Variants in RBFOX1 observed in about 807,000 individuals in gnomAD.
RBFOX1 encodes RNA binding fox-1 homolog 1.
In RBFOX1, 8 loss-of-function variants were observed where a neutral mutation model predicts 57.7. The ratio of observed to expected loss-of-function variants is 0.14; its 90% CI spans 0.08 to 0.25. The LOEUF (loss-of-function observed/expected upper bound fraction) is 0.25, where lower values mean the gene tolerates loss of function less well. Among genes scored for constraint, RBFOX1 ranks in the 10% least tolerant of loss-of-function variants. The probability of loss-of-function intolerance (pLI) is 1.00; values close to 1 mark genes in which losing one functional copy is unlikely to be tolerated. For missense variants in RBFOX1, 611 were observed against 548.5 expected, an observed-to-expected ratio of 1.11 and a Z score of -1.14; for synonymous variants, 326 against 222.4, an observed-to-expected ratio of 1.47 and a Z score of -4.15.
chr16:6,071,441 G>C (rs1409580907), intron 1 of RBFOX1, among the ~76,000 whole-genome samples: 2 of 152,086 alleles, frequency 1.3e-5, no homozygotes, highest in Non-Finnish European at 2.9e-5. Context: ...TCGAATACTT[G>C]GGTGACAAGA....
chr16:5,588,411 C>G (rs1035212215), intron 2 of RBFOX1, among the ~76,000 whole-genome samples: 1 of 152,010 alleles, frequency 6.6e-6, no homozygotes, highest in Non-Finnish European at 1.5e-5. Context: ...AGGCCGAGTC[C>G]CCTTCCTGGT....
At chr16:7,085,657 A>G (rs1459155482) in intron 4 of RBFOX1, among the ~76,000 whole-genome samples, 1 of 152,188 alleles carries the variant, frequency 6.6e-6, no homozygotes, top group Non-Finnish European at 1.5e-5. Flanking sequence ...CAGAAAGGGC[A>G]CATTTTGTCC....
At chr16:7,308,070 G>C (rs2096233128) in intron 4 of RBFOX1, among the ~76,000 whole-genome samples, 1 of 152,208 alleles carries the variant, frequency 6.6e-6, no homozygotes, top group African/African-American at 2.4e-5. Context: ...TAGGTCAAAA[G>C]AGAACCTATT....
chr16:6,730,496 A>G (rs1041476899), intron 3 of RBFOX1, among the ~76,000 whole-genome samples: 24 of 152,144 alleles, frequency 1.6e-4, no homozygotes, highest in Non-Finnish European at 2.8e-4. Context: ...TGTCTAATCT[A>G]TCTATCCATC....
intron 4 of RBFOX1, among the ~76,000 whole-genome samples, chr16:7,402,237 T>C (rs539368416): frequency 2.6e-5 from 4 of 152,264 alleles, no homozygotes; most frequent in South Asian, 2.1e-4. Context: ...GACTCACCTG[T>C]AAGGGAGGGT....
chr16:6,638,075 C>G (rs1417991183), intron 2 of RBFOX1, among the ~76,000 whole-genome samples: 1 of 152,092 alleles, frequency 6.6e-6, no homozygotes, highest in Middle Eastern at 3.2e-3. Flanking sequence ...CACTCTCTCC[C>G]AACAAAATAT....
At chr16:7,518,465 AC>A in intron 5 of RBFOX1, 76 bp downstream of exon 5, 3 of 1,515,264 alleles carry the variant, frequency 2.0e-6, no homozygotes, top group East Asian at 2.3e-5. Flanking sequence ...GCGGGGGTGC[AC>A]CCCCATCTAC....
intron 2 of RBFOX1, among the ~76,000 whole-genome samples, chr16:5,474,686 A>G (rs1481567496): frequency 2.0e-5 from 3 of 151,596 alleles, no homozygotes; most frequent in African/African-American, 7.3e-5. Flanking sequence ...GGACATTTGT[A>G]AAGGTGTTCT....
chr16:6,580,458 C>A (rs1359972988), intron 2 of RBFOX1, among the ~76,000 whole-genome samples: 1 of 152,178 alleles, frequency 6.6e-6, no homozygotes, highest in South Asian at 2.1e-4. Context: ...ATATGCAAAG[C>A]CACAATAATA....
intron 3 of RBFOX1, among the ~76,000 whole-genome samples, chr16:6,892,281 C>T (rs1425243590): frequency 6.6e-6 from 1 of 152,110 alleles, no homozygotes; most frequent in East Asian, 1.9e-4. Context: ...GTATTTTAGA[C>T]AAGACTCTTC....
At chr16:6,811,102 A>T (rs1326672876) in intron 3 of RBFOX1, among the ~76,000 whole-genome samples, 2 of 152,220 alleles carry the variant, frequency 1.3e-5, no homozygotes, top group African/African-American at 4.8e-5. Flanking sequence ...TGGCTGAGAT[A>T]CCTTGATAGA....
chr16:6,001,643 T>A (rs1052085428), intron 4 of RBFOX1, among the ~76,000 whole-genome samples: 2 of 152,224 alleles, frequency 1.3e-5, no homozygotes, highest in African/African-American at 4.8e-5. Flanking sequence ...TTTGCTTAAA[T>A]ACATGGTAAC....
rs77803390 is a variant in RBFOX1, at chr16:7,336,281, C to G, written c.28-181866C>G. On this transcript the variant is annotated intron_variant, in intron 4 of 15. Transcript: ENST00000550418. ...TAGGCTATTTGGTTAGTGTTTGGGT[C>G]TAATGTGTTGGCTCTGGGCTGCAAG... 2.6e-5 allele frequency among the ~76,000 whole-genome samples: 4 copies of G among 152,206 alleles called. No individual in the cohort carries two copies. In the East Asian group the frequency reaches 5.8e-4, roughly 22 times the overall value.
intron 4 of RBFOX1, among the ~76,000 whole-genome samples, chr16:5,900,263 C>G (rs543484677): frequency 6.6e-5 from 10 of 152,132 alleles, no homozygotes; most frequent in Non-Finnish European, 1.2e-4. Flanking sequence ...ATTTCTAACA[C>G]AATGATAGGC....
At chr16:5,284,365 C>A (rs531520444) in intron 1 of RBFOX1, among the ~76,000 whole-genome samples, 10 of 152,102 alleles carry the variant, frequency 6.6e-5, no homozygotes, top group African/African-American at 2.4e-4. Flanking sequence ...CATTTGAATC[C>A]TTTCTCCTTT....
chr16:6,322,076 T>C (rs1022790446), intron 2 of RBFOX1, among the ~76,000 whole-genome samples: 1 of 152,210 alleles, frequency 6.6e-6, no homozygotes, highest in Non-Finnish European at 1.5e-5. Flanking sequence ...GTCTTTGTTT[T>C]TCATCCGCCA....
At chr16:6,933,653 C>T (rs2076917624) in intron 3 of RBFOX1, among the ~76,000 whole-genome samples, 1 of 152,196 alleles carries the variant, frequency 6.6e-6, no homozygotes, top group Non-Finnish European at 1.5e-5. Flanking sequence ...GGAGAGGTTG[C>T]AGTGAGTCAA....
At chr16:5,419,788 A>G (rs2067261218) in intron 1 of RBFOX1, among the ~76,000 whole-genome samples, 1 of 151,900 alleles carries the variant, frequency 6.6e-6, no homozygotes, top group African/African-American at 2.4e-5. Context: ...TTGGAGAGAT[A>G]TGAAGCTTGG....
intron 3 of RBFOX1, among the ~76,000 whole-genome samples, chr16:6,796,562 C>T (rs1001686506): frequency 5.3e-5 from 8 of 152,164 alleles, no homozygotes; most frequent in Middle Eastern, 3.2e-3. Context: ...CTTAATATTT[C>T]ATTTATCTAC....
Sources: gnomAD v4.1 joint callset for allele counts (sites outside exome capture counted in the v4.1 genomes callset) on GRCh38, gnomAD v4.1.1 for gene constraint, MANE v1.5 for transcripts, NCBI Gene and HGNC (gene_info 2026-07-23, HGNC 2026-07-21) for gene names.